The following ACSS1 variants were observed in gnomAD, a reference collection of about 807,000 sequenced individuals.
The protein encoded by ACSS1 is acyl-CoA synthetase short chain family member 1.
In ACSS1, 42 loss-of-function variants were observed where a neutral mutation model predicts 75.3. That is an observed-to-expected ratio of 0.56 (90% CI 0.44 to 0.72). The LOEUF is 0.72. ACSS1 is among the 30% of genes least tolerant of loss of function. The pLI is 0.00. For missense variants in ACSS1, 782 were observed against 935.7 expected (o/e 0.84, Z 2.14); for synonymous variants, 380 against 376.8 (o/e 1.01, Z -0.10).
chr20:25,010,506 T>A (rs56033853), intron 12 of ACSS1: 14,446 of 152,338 alleles, frequency 0.095, 767 homozygotes, highest in Middle Eastern at 0.12. Flanking sequence ...CCTATATCCA[T>A]GTGGCGAACT....
At chr20:25,018,622 C>G (rs936542622) in intron 7 of ACSS1, among the ~76,000 whole-genome samples, 1 of 152,236 alleles carries the variant, frequency 6.6e-6, no homozygotes, top group Non-Finnish European at 1.5e-5. Flanking sequence ...TCTGACCTCT[C>G]TGTGCCTCCT....
chr20:25,014,133 CAGA>C, intron 8 of ACSS1, 60 bp from the exon 9 acceptor site: 13 of 1,394,562 alleles, frequency 9.3e-6, no homozygotes, highest in Non-Finnish European at 1.3e-5. Context: ...TACGTGTATC[CAGA>C]GTGGGTGGTA....
At chr20:25,055,968 C>A (rs2089235770) in intron 1 of ACSS1, among the ~76,000 whole-genome samples, 1 of 152,184 alleles carries the variant, frequency 6.6e-6, no homozygotes, top group Admixed American at 6.5e-5. Flanking sequence ...GCACGCACAT[C>A]CCAGGGGAGA....
chr20:25,026,503 G>A (rs144041387), intron 3 of ACSS1, among the ~76,000 whole-genome samples: 19 of 152,284 alleles, frequency 1.2e-4, no homozygotes, highest in South Asian at 8.3e-4. Context: ...AAGAGGCCAC[G>A]TGGAGAGAAA....
In ACSS1 at chr20:25,040,151, T is replaced by TA. The variant is rs904948209; in HGVS notation, c.431+7933dup. ...GTAAACATTCACTTTCCCCTGTGGT[T>TA]AAAAAAAAAACCACAGGAGATTTTT... On this transcript the variant is annotated intron_variant, in intron 2 of 13. Transcript: ENST00000323482. Among the ~76,000 whole-genome samples the TA allele has an allele frequency of 6.0e-4, 90 of 149,458 alleles. 1 individual carries two copies. The highest frequency in any genetic ancestry group is 1.8e-3 in the African/African-American group (72 of 40,850).
intron 8 of ACSS1, among the ~76,000 whole-genome samples, chr20:25,014,832 C>T (rs1034987610): frequency 1.3e-5 from 2 of 152,184 alleles, no homozygotes; most frequent in African/African-American, 4.8e-5. Flanking sequence ...CACACCAGGC[C>T]TTGGGCAGCA....
chr20:25,057,708 C>A (rs770985393), intron 1 of ACSS1, 61 bp downstream of exon 1: 75 of 1,464,470 alleles, frequency 5.1e-5, no homozygotes, highest in Middle Eastern at 3.9e-4. Flanking sequence ...TGGCGAGAGG[C>A]TCCGAGTCCC....
chr20:25,008,204 G>A (rs371953071), intron 13 of ACSS1, among the ~76,000 whole-genome samples: 30 of 152,338 alleles, frequency 2.0e-4, no homozygotes, highest in African/African-American at 5.5e-4. Flanking sequence ...CCGTACTGCC[G>A]TCCGTCTGTC....
intron 4 of ACSS1, 149 bp downstream of exon 4, chr20:25,023,317 T>A (rs2088658078): frequency 4.6e-6 from 5 of 1,075,286 alleles, no homozygotes; most frequent in Non-Finnish European, 6.6e-6. Context: ...AGTTTTATCT[T>A]CCCAGTCAGG....
At chr20:25,024,632 C>T (rs1464814025) in intron 3 of ACSS1, among the ~76,000 whole-genome samples, 1 of 152,210 alleles carries the variant, frequency 6.6e-6, no homozygotes, top group Non-Finnish European at 1.5e-5. Context: ...TTGCATGGAG[C>T]CATTTGAGGC....
At position 25,057,803 on chromosome 20, in the gene ACSS1, G is replaced by A. The variant is rs1429179139; in HGVS notation, c.300C>T (p.Ile100=). The change falls in exon 1 of 14, where the codon ATC becomes ATT. Residue 100 remains isoleucine, a synonymous_variant. Coordinates refer to ENST00000323482, the MANE Select transcript of ACSS1 (RefSeq NM_032501.4). ...VWDCDFSTGK[I]GWFLGGQLNV... is the part of the protein sequence containing the mutation. ...TTAACTGGCCTCCCAGGAACCAGCC[G>A]ATCTTGCCAGTGCTGAAGTCGCAGT... is the stretch of plus-strand genomic sequence containing the variant. The A allele has an allele frequency of 1.3e-6, 2 of 1,596,424 alleles. No homozygotes were observed. The highest frequency in any genetic ancestry group is 4.6e-5 in the East Asian group (2 of 43,824).
chr20:25,023,737 A>C, intron 3 of ACSS1, 96 bp from the exon 4 acceptor site: 1 of 1,218,166 alleles, frequency 8.2e-7, no homozygotes, highest in Admixed American at 2.6e-5. Flanking sequence ...TAGGAGTGTG[A>C]GAAACTCAGT....
chr20:25,031,737 G>T (rs1286048128), intron 2 of ACSS1, among the ~76,000 whole-genome samples: 1 of 152,144 alleles, frequency 6.6e-6, no homozygotes, highest in Non-Finnish European at 1.5e-5. Flanking sequence ...TCCGGATGGG[G>T]ACCCCTTTTT....
chr20:25,039,621 ACCTGCCCAGGGCATG>A (rs2088970279), intron 2 of ACSS1, among the ~76,000 whole-genome samples: 1 of 152,096 alleles, frequency 6.6e-6, no homozygotes, highest in South Asian at 2.1e-4. Context: ...ATTCAGGGCC[ACCTGCCCAGGGCATG>A]CCTCCCCAGG....
chr20:25,015,930 T>G (rs2088508104), intron 7 of ACSS1, among the ~76,000 whole-genome samples: 1 of 152,040 alleles, frequency 6.6e-6, no homozygotes. Flanking sequence ...GCTAAATACC[T>G]CAAAACATGA....
In ACSS1 at chr20:25,007,635, T is replaced by C; in HGVS notation, c.*127A>G. On this transcript the variant is annotated 3_prime_UTR_variant, in exon 14 of 14. Transcript: ENST00000323482. ...AGCCCAGCTTCACGTGAGGGCGGTG[T>C]GGGTCATGTGTGGGGTGGGGGCTGC... 1.3e-6 allele frequency: 2 copies of C among 1,514,194 alleles called. No homozygotes were observed. Among genetic ancestry groups the C allele is most frequent in the South Asian group, 2.6e-5 (2 of 75,816 alleles). The allele number at this position is 1,514,194 out of a possible 1,614,324, so 93.8% of individuals were successfully genotyped here.
intron 13 of ACSS1, among the ~76,000 whole-genome samples, 194 bp downstream of exon 13, chr20:25,009,076 C>T (rs2088361626): frequency 6.6e-6 from 1 of 152,276 alleles, no homozygotes; most frequent in Admixed American, 6.5e-5. Context: ...GACAAGTAAG[C>T]TGGCTGAGCT....
intron 2 of ACSS1, among the ~76,000 whole-genome samples, chr20:25,037,016 G>GGAAT (rs2088924297): frequency 6.8e-6 from 1 of 148,116 alleles, no homozygotes; most frequent in Non-Finnish European, 1.5e-5. Context: ...AAGGAAGGAA[G>GGAAT]GAAGGAAGGA....
At chr20:25,036,625 T>G (rs1243666432) in intron 2 of ACSS1, among the ~76,000 whole-genome samples, 1 of 152,158 alleles carries the variant, frequency 6.6e-6, no homozygotes, top group Non-Finnish European at 1.5e-5. Flanking sequence ...AGGCCCAGGA[T>G]AAGTAAGTCC....
Sources: allele counts gnomAD v4.1 joint callset (sites outside exome capture counted in the v4.1 genomes callset), GRCh38; gene constraint gnomAD v4.1.1; transcripts MANE v1.5; gene names NCBI Gene and HGNC (gene_info 2026-07-23, HGNC 2026-07-21).